CRIM1: variants seen among roughly 807,000 people sequenced by gnomAD.
CRIM1 encodes cysteine-rich motor neuron 1 protein.
CRIM1 carries 32 observed loss-of-function variants against 116.4 expected under a neutral mutation model. That is an observed-to-expected ratio of 0.27 (90% CI 0.21 to 0.37). The LOEUF (loss-of-function observed/expected upper bound fraction) is 0.37, where lower values mean the gene tolerates loss of function less well. CRIM1 is among the 10% of genes least tolerant of loss of function. The pLI is 1.00. For synonymous variants in CRIM1, 590 were observed against 509.2 expected (o/e 1.16, Z -2.13); for missense variants, 1,331 against 1,354.8 (o/e 0.98, Z 0.28).
rs1664826999 is a variant in CRIM1, at chr2:36,513,494, CTG to C, written c.1781-60_1781-59del. 3.1e-5 allele frequency: 42 copies of C among 1,354,984 alleles called. No homozygotes were observed. In the Admixed American group the frequency reaches 7.1e-4, roughly 23 times the overall value. The allele number at this position is 1,354,984 out of a possible 1,614,324, so 83.9% of individuals were successfully genotyped here. A position where few individuals can be genotyped will look rare whatever the true frequency, so the allele number is the denominator to read the frequency against. On this transcript the variant is annotated intron_variant, in intron 10 of 16. Coordinates refer to ENST00000280527, the MANE Select transcript of CRIM1 (RefSeq NM_016441.3). The stretch of plus-strand genomic sequence containing the variant: ...CTGGGGTCCAGTCCATGTACAGACT[CTG>C]TAGCCTGTTTCTCCTGTGCAGTAGC...
intron 6 of CRIM1, among the ~76,000 whole-genome samples, chr2:36,477,752 A>T (rs1471262261): frequency 6.6e-6 from 1 of 152,232 alleles, no homozygotes; most frequent in African/African-American, 2.4e-5. Flanking sequence ...ACTGATGTTC[A>T]TAAACAATAA....
intron 2 of CRIM1, among the ~76,000 whole-genome samples, chr2:36,432,296 T>G (rs748756494): frequency 1.1e-4 from 16 of 152,200 alleles, no homozygotes; most frequent in Non-Finnish European, 2.4e-4. Context: ...AAACCATCCT[T>G]AGGCCTTATT....
chr2:36,422,869 T>C (rs3770901), intron 2 of CRIM1, among the ~76,000 whole-genome samples: 43,841 of 152,050 alleles, frequency 0.29, 6,499 homozygotes, highest in South Asian at 0.41. Flanking sequence ...TAGTCCATTG[T>C]CTTTTGTTGT....
intron 2 of CRIM1, among the ~76,000 whole-genome samples, chr2:36,437,415 G>C (rs1255228081): frequency 6.9e-6 from 1 of 144,242 alleles, no homozygotes; most frequent in Non-Finnish European, 1.5e-5. Context: ...ACTAAAATTG[G>C]ATAAGGCCAA....
chr2:36,462,488 G>A (rs1428268621), intron 4 of CRIM1, among the ~76,000 whole-genome samples: 1 of 152,254 alleles, frequency 6.6e-6, no homozygotes, highest in Non-Finnish European at 1.5e-5. Flanking sequence ...AGAGAACCCA[G>A]CACGTAAGTG....
chr2:36,538,528 A>G (rs1666716026), intron 14 of CRIM1, among the ~76,000 whole-genome samples: 1 of 152,226 alleles, frequency 6.6e-6, no homozygotes, highest in African/African-American at 2.4e-5. Flanking sequence ...CCAATTCACA[A>G]GTGCATCTGT....
At chr2:36,485,943 T>C (rs1298734588) in intron 7 of CRIM1, among the ~76,000 whole-genome samples, 1 of 152,260 alleles carries the variant, frequency 6.6e-6, no homozygotes, top group African/African-American at 2.4e-5. Flanking sequence ...CAGTCTATTT[T>C]TTGCTTGTCC....
At chr2:36,389,982 T>C (rs544727641) in intron 1 of CRIM1, among the ~76,000 whole-genome samples, 1 of 152,292 alleles carries the variant, frequency 6.6e-6, no homozygotes, top group South Asian at 2.1e-4. Context: ...GCCTCATGCT[T>C]CATATCCTTC....
chr2:36,380,966 C>G (rs1558518906), intron 1 of CRIM1, among the ~76,000 whole-genome samples: 1 of 152,238 alleles, frequency 6.6e-6, no homozygotes, highest in Non-Finnish European at 1.5e-5. Flanking sequence ...GGAGCTTTCT[C>G]TTGCCCACTC....
chr2:36,545,596 A>T (rs1667269330), intron 15 of CRIM1, among the ~76,000 whole-genome samples: 1 of 152,184 alleles, frequency 6.6e-6, no homozygotes, highest in South Asian at 2.1e-4. Context: ...TGTGAATCGT[A>T]TTAAAGACTG....
At chr2:36,481,441 G>C (rs1436649767) in intron 7 of CRIM1, among the ~76,000 whole-genome samples, 1 of 152,066 alleles carries the variant, frequency 6.6e-6, no homozygotes, top group Non-Finnish European at 1.5e-5. Context: ...TTACAGTTTT[G>C]GTGAGCCATT....
At chr2:36,410,106 C>T (rs940655918) in intron 2 of CRIM1, among the ~76,000 whole-genome samples, 21 of 152,064 alleles carry the variant, frequency 1.4e-4, no homozygotes, top group Non-Finnish European at 2.8e-4. Flanking sequence ...GTAAGTGGTG[C>T]CTGTAAAGTT....
intron 1 of CRIM1, 71 bp from the exon 2 acceptor site, chr2:36,396,543 G>GT: frequency 9.7e-7 from 1 of 1,027,644 alleles, no homozygotes; most frequent in Non-Finnish European, 1.4e-6. Flanking sequence ...ATCCCAGTGC[G>GT]TTTTTGCCCG....
chr2:36,546,959 A>G (rs1208243200), intron 15 of CRIM1, 25 bp from the exon 16 acceptor site: 2 of 1,389,616 alleles, frequency 1.4e-6, no homozygotes, highest in Non-Finnish European at 2.0e-6. Context: ...TAGGTAATAA[A>G]TGCTTATAAT....
chr2:36,453,923 G>A lies in CRIM1; in HGVS notation c.870-10611G>A, dbSNP rs907854439. ...TTGTTGATTTTTCGACTTGTAATGT[G>A]TCTTGCAGCTTAAAACATTAACACT... On this transcript the variant is annotated intron_variant, in intron 4 of 16. Transcript: ENST00000280527. 3.3e-5 allele frequency among the ~76,000 whole-genome samples: 5 copies of A among 152,170 alleles called. No homozygotes were observed. In the South Asian group the frequency reaches 6.2e-4, roughly 19 times the overall value.
At chr2:36,427,875 G>A (rs150843282) in intron 2 of CRIM1, among the ~76,000 whole-genome samples, 11 of 152,312 alleles carry the variant, frequency 7.2e-5, no homozygotes, top group East Asian at 1.9e-4. Context: ...CTCAGGGGGC[G>A]AGGCTCCGCC....
intron 1 of CRIM1, among the ~76,000 whole-genome samples, chr2:36,359,874 C>G (rs1669105482): frequency 6.6e-6 from 1 of 152,072 alleles, no homozygotes; most frequent in South Asian, 2.1e-4. Context: ...TTTCCTCTTT[C>G]CATTCGTCTG....
intron 13 of CRIM1, among the ~76,000 whole-genome samples, chr2:36,523,560 G>A (rs1665560670): frequency 6.6e-6 from 1 of 152,204 alleles, no homozygotes; most frequent in Non-Finnish European, 1.5e-5. Context: ...CTCTTTTAAC[G>A]CTTTTGTGTC....
At chr2:36,538,111 G>A (rs1348665551) in intron 14 of CRIM1, among the ~76,000 whole-genome samples, 2 of 152,096 alleles carry the variant, frequency 1.3e-5, no homozygotes, top group Non-Finnish European at 2.9e-5. Context: ...TACCCCAGCT[G>A]GCTGTTGTGA....
Sources: allele counts gnomAD v4.1 joint callset (sites outside exome capture counted in the v4.1 genomes callset), GRCh38; gene constraint gnomAD v4.1.1; transcripts MANE v1.5; gene names NCBI Gene and HGNC (gene_info 2026-07-23, HGNC 2026-07-21).